CPEB1: variants seen among roughly 807,000 people sequenced by gnomAD.
CPEB1 encodes the protein cytoplasmic polyadenylation element binding protein 1.
CPEB1 carries 7 observed loss-of-function variants against 65.8 expected under a neutral mutation model. The observed-to-expected ratio is 0.11, with a 90% confidence interval of 0.06 to 0.20. CPEB1 has a LOEUF of 0.20. CPEB1 is among the 10% of genes least tolerant of loss of function. CPEB1 has a pLI of 1.00. For missense variants in CPEB1, 551 were observed against 712.2 expected (o/e 0.77, Z 2.58); for synonymous variants, 262 against 260.0 (o/e 1.01, Z -0.08).
intron 3 of CPEB1, among the ~76,000 whole-genome samples, chr15:82,581,758 C>T (rs1338530592): frequency 6.6e-6 from 1 of 152,172 alleles, no homozygotes; most frequent in Non-Finnish European, 1.5e-5. Flanking sequence ...ATCTCCCCGA[C>T]ACCAGGTTTT....
At chr15:82,631,331 C>T (rs1030377792) in intron 1 of CPEB1, among the ~76,000 whole-genome samples, 3 of 151,548 alleles carry the variant, frequency 2.0e-5, no homozygotes, top group African/African-American at 7.3e-5. Flanking sequence ...CTTAAGATGA[C>T]ATTATAATAA....
At chr15:82,610,297 C>G (rs1314805053) in intron 3 of CPEB1, among the ~76,000 whole-genome samples, 2 of 151,992 alleles carry the variant, frequency 1.3e-5, no homozygotes, top group Non-Finnish European at 2.9e-5. Context: ...AGAATAAATA[C>G]CAATTATTCA....
At chr15:82,567,886 G>C (rs2039416839) in intron 4 of CPEB1, among the ~76,000 whole-genome samples, 1 of 152,142 alleles carries the variant, frequency 6.6e-6, no homozygotes, top group African/African-American at 2.4e-5. Flanking sequence ...GGGGAAGGCA[G>C]GAAGACAAAT....
chr15:82,612,931 C>A (rs957158536), intron 3 of CPEB1, among the ~76,000 whole-genome samples: 5 of 151,838 alleles, frequency 3.3e-5, no homozygotes, highest in East Asian at 1.9e-4. Context: ...CAAAAACAAA[C>A]AAAAACACAC....
intron 1 of CPEB1, among the ~76,000 whole-genome samples, chr15:82,635,065 G>A (rs971241807): frequency 6.6e-6 from 1 of 152,114 alleles, no homozygotes; most frequent in African/African-American, 2.4e-5. Flanking sequence ...ATGTTGGCCA[G>A]GCTGGTCTCA....
chr15:82,627,979 C>T (rs2151321236), intron 2 of CPEB1, among the ~76,000 whole-genome samples: 1 of 152,242 alleles, frequency 6.6e-6, no homozygotes, highest in Non-Finnish European at 1.5e-5. Flanking sequence ...AAGAGGTATA[C>T]ATGCCCCCAA....
rs930756171 is a variant in CPEB1 at position 82,630,216 on chromosome 15, C to A, written c.-97-1660G>T. The A allele has an allele frequency of 5.1e-5, 19 of 375,032 alleles. No homozygotes were observed. In the Middle Eastern group the frequency reaches 3.9e-3, roughly 76 times the overall value. 23.2% of individuals were successfully genotyped at this position (375,032 alleles called of 1,614,324 possible). A position where few individuals can be genotyped will look rare whatever the true frequency, so the allele number is the denominator to read the frequency against. On this transcript the variant is annotated intron_variant, in intron 1 of 12. Transcript: ENST00000684509. ...CCTCCTGAGTAGCTGAGACTACAGG[C>A]ACGTGCCATTGCCTAGCACAATCTG...
At chr15:82,616,064 TTATAAA>T (rs2044681423) in intron 3 of CPEB1, among the ~76,000 whole-genome samples, 1 of 152,032 alleles carries the variant, frequency 6.6e-6, no homozygotes, top group Admixed American at 6.6e-5. Context: ...TATGTACACA[TTATAAA>T]TATGACACAT....
At chr15:82,614,791 ATTC>A (rs1050486905) in intron 3 of CPEB1, among the ~76,000 whole-genome samples, 1 of 152,150 alleles carries the variant, frequency 6.6e-6, no homozygotes, top group African/African-American at 2.4e-5. Context: ...GTCCTTACAC[ATTC>A]TTCAAGAGAC....
upstream of CPEB1, chr15:82,647,939 C>A: frequency 8.4e-7 from 1 of 1,184,212 alleles, no homozygotes; most frequent in African/African-American, 1.6e-5. Context: ...CGCGCACGCA[C>A]GTGGGCACTA....
At chr15:82,609,264 C>CTGAG (rs2043910356) in intron 3 of CPEB1, among the ~76,000 whole-genome samples, 1 of 152,236 alleles carries the variant, frequency 6.6e-6, no homozygotes, top group African/African-American at 2.4e-5. Context: ...CTTTAGGAGG[C>CTGAG]TGAGGTAGGA....
chr15:82,603,129 T>C (rs1437066826), intron 3 of CPEB1, among the ~76,000 whole-genome samples: 1 of 151,932 alleles, frequency 6.6e-6, no homozygotes, highest in Non-Finnish European at 1.5e-5. Context: ...CCTTCCTCTC[T>C]AGCTCTACTA....
intron 1 of CPEB1, among the ~76,000 whole-genome samples, chr15:82,639,748 G>A (rs1179022754): frequency 1.3e-5 from 2 of 152,060 alleles, no homozygotes; most frequent in Non-Finnish European, 2.9e-5. Context: ...AAACAATATG[G>A]TTTATGCTGA....
chr15:82,589,892 G>A (rs1021351704), intron 3 of CPEB1, among the ~76,000 whole-genome samples: 6 of 152,142 alleles, frequency 3.9e-5, no homozygotes, highest in African/African-American at 1.4e-4. Context: ...CACTGCATTA[G>A]GTATAAGTAA....
chr15:82,590,209 CAAAAAAAAAAAAAAAAAAA>C (rs5814120), intron 3 of CPEB1, among the ~76,000 whole-genome samples: 15 of 104,158 alleles, frequency 1.4e-4, no homozygotes, highest in Non-Finnish European at 1.8e-4. Context: ...ATCCCTTTGA[CAAAAAAAAAAAAAAAAAAA>C]AAAAAAAAAA....
At chr15:82,578,097 G>T (rs1011401824) in intron 3 of CPEB1, among the ~76,000 whole-genome samples, 1 of 152,054 alleles carries the variant, frequency 6.6e-6, no homozygotes. Context: ...CCGAGATCGT[G>T]CCACTGCACT....
intron 6 of CPEB1, 78 bp downstream of exon 6, chr15:82,555,792 A>G: frequency 2.0e-6 from 3 of 1,465,318 alleles, no homozygotes; most frequent in Non-Finnish European, 2.8e-6. Context: ...ACAGTTCACA[A>G]GTGTGTGAAC....
In CPEB1 at chr15:82,546,421, T is replaced by TTCA. The variant is rs2035225609; in HGVS notation, c.1656+17_1656+19dup. On this transcript the variant is annotated intron_variant, in intron 12 of 12. Transcript: ENST00000684509. ...ACAATTTTTAATAGAGGGCAGGGAC[T>TTCA]TCATAGACATCGGACCCACCTGATC... 1 of 1,603,262 alleles carries TTCA rather than the reference T, an allele frequency of 6.2e-7. No homozygotes were observed. Among genetic ancestry groups the TTCA allele is most frequent in the Admixed American group, 1.7e-5 (1 of 59,944 alleles).
At chr15:82,562,252 C>G in intron 4 of CPEB1, 1 of 454,486 alleles carries the variant, frequency 2.2e-6, no homozygotes, top group South Asian at 1.6e-5. Flanking sequence ...CCATCAACTA[C>G]AGACTACTGA....
Sources: gnomAD v4.1 joint callset for allele counts (sites outside exome capture counted in the v4.1 genomes callset) on GRCh38, gnomAD v4.1.1 for gene constraint, MANE v1.5 for transcripts, NCBI Gene and HGNC (gene_info 2026-07-23, HGNC 2026-07-21) for gene names.